Variants in RNFT2 observed in about 807,000 individuals in gnomAD.
RNFT2 encodes E3 ubiquitin-protein ligase RNFT2.
A neutral mutation model predicts 53.0 loss-of-function variants in RNFT2; 36 were observed. That is an observed-to-expected ratio of 0.68 (90% CI 0.52 to 0.90). The LOEUF (loss-of-function observed/expected upper bound fraction) is 0.90, where lower values mean the gene tolerates loss of function less well. Among genes scored for constraint, RNFT2 ranks in the 40% least tolerant of loss-of-function variants. The pLI, the probability that RNFT2 is intolerant of heterozygous loss-of-function variation, is 0.00. For missense variants in RNFT2, 514 were observed against 585.6 expected, an observed-to-expected ratio of 0.88 and a Z score of 1.26; for synonymous variants, 260 against 253.2, an observed-to-expected ratio of 1.03 and a Z score of -0.26.
At chr12:116,828,722 A>G (rs1455405014) in intron 7 of RNFT2, among the ~76,000 whole-genome samples, 1 of 152,048 alleles carries the variant, frequency 6.6e-6, no homozygotes, top group Non-Finnish European at 1.5e-5. Flanking sequence ...AGGCAGCATC[A>G]ATGGATAAAA....
At chr12:116,767,866 C>T (rs1341950707) in intron 6 of RNFT2, among the ~76,000 whole-genome samples, 1 of 152,230 alleles carries the variant, frequency 6.6e-6, no homozygotes, top group Non-Finnish European at 1.5e-5. Context: ...GCGTGAGCCA[C>T]TGCCCCTGGT....
At chr12:116,819,594 G>C (rs555195000) in intron 7 of RNFT2, among the ~76,000 whole-genome samples, 1 of 152,166 alleles carries the variant, frequency 6.6e-6, no homozygotes, top group African/African-American at 2.4e-5. Context: ...CCAGGAGGGG[G>C]ATTAATGGCT....
intron 7 of RNFT2, among the ~76,000 whole-genome samples, chr12:116,822,737 C>A (rs1876113019): frequency 6.6e-6 from 1 of 152,198 alleles, no homozygotes; most frequent in Non-Finnish European, 1.5e-5. Flanking sequence ...TGCAGTGGCT[C>A]ACACCTGTAA....
intron 4 of RNFT2, among the ~76,000 whole-genome samples, 170 bp downstream of exon 4, chr12:116,750,477 A>G (rs935929707): frequency 1.3e-5 from 2 of 152,144 alleles, no homozygotes; most frequent in Non-Finnish European, 2.9e-5. Flanking sequence ...CTGGCCGACT[A>G]GCTGTGTGAC....
At chr12:116,845,915 A>G (rs986598196) in intron 10 of RNFT2, among the ~76,000 whole-genome samples, 3 of 152,148 alleles carry the variant, frequency 2.0e-5, no homozygotes, top group Non-Finnish European at 2.9e-5. Flanking sequence ...GGAATGTTCT[A>G]TCTCTATCCC....
chr12:116,756,416 T>C (rs914756764), intron 5 of RNFT2, among the ~76,000 whole-genome samples: 2 of 152,158 alleles, frequency 1.3e-5, no homozygotes, highest in Non-Finnish European at 2.9e-5. Context: ...TACTGACTTC[T>C]GTACATTAAT....
chr12:116,823,148 C>G (rs1876137557), intron 7 of RNFT2, among the ~76,000 whole-genome samples: 2 of 152,184 alleles, frequency 1.3e-5, no homozygotes, highest in African/African-American at 4.8e-5. Flanking sequence ...ACATTTCCTT[C>G]TTTGTGGAAG....
intron 7 of RNFT2, among the ~76,000 whole-genome samples, chr12:116,818,238 G>T (rs1198182850): frequency 6.6e-6 from 1 of 151,256 alleles, no homozygotes; most frequent in African/African-American, 2.4e-5. Flanking sequence ...GGGGAGGCTC[G>T]CTTGAGCCCA....
intron 5 of RNFT2, among the ~76,000 whole-genome samples, chr12:116,757,082 A>T (rs911824400): frequency 6.6e-6 from 1 of 152,126 alleles, no homozygotes; most frequent in Non-Finnish European, 1.5e-5. Flanking sequence ...GAATTTATCC[A>T]TCTCTTCTAG....
At chr12:116,811,692 T>C (rs1875388047) in intron 7 of RNFT2, among the ~76,000 whole-genome samples, 1 of 152,206 alleles carries the variant, frequency 6.6e-6, no homozygotes, top group Non-Finnish European at 1.5e-5. Context: ...CGCGTGCGTT[T>C]GTGCATGTGT....
intron 10 of RNFT2, among the ~76,000 whole-genome samples, chr12:116,838,725 G>C (rs541859273): frequency 5.3e-5 from 8 of 152,326 alleles, no homozygotes; most frequent in African/African-American, 1.9e-4. Context: ...ATGATGTCAA[G>C]GTGAAAGTCT....
chr12:116,814,933 A>T (rs2137171360), intron 7 of RNFT2, among the ~76,000 whole-genome samples: 1 of 152,178 alleles, frequency 6.6e-6, no homozygotes, highest in African/African-American at 2.4e-5. Context: ...ATGGGGTTTC[A>T]CTATGTTAGC....
At chr12:116,741,013 C>G (rs1871581514) in intron 2 of RNFT2, 23 bp from the exon 3 acceptor site, 3 of 1,600,256 alleles carry the variant, frequency 1.9e-6, no homozygotes, top group Non-Finnish European at 2.6e-6. Context: ...GAGACTCTGG[C>G]TCACCCATGT....
intron 7 of RNFT2, among the ~76,000 whole-genome samples, chr12:116,804,263 A>G (rs1874941109): frequency 6.6e-6 from 1 of 152,260 alleles, no homozygotes. Context: ...TCCCTGGACC[A>G]GTAGCATGAG....
At chr12:116,743,245 CCGGT>C (rs1871725612) in intron 3 of RNFT2, among the ~76,000 whole-genome samples, 11 of 27,166 alleles carry the variant, frequency 4.0e-4, no homozygotes, top group East Asian at 1.5e-3. Flanking sequence ...AAAAAAAAAA[CCGGT>C]TAAAAAACAC....
chr12:116,760,020 C>T (rs996581202), intron 5 of RNFT2, among the ~76,000 whole-genome samples: 28 of 152,148 alleles, frequency 1.8e-4, no homozygotes, highest in Admixed American at 8.5e-4. Context: ...TCTCCTTGGG[C>T]GGGTCTTGCT....
Position 116,852,121 on chromosome 12 carries a change from G to A in RNFT2, c.*2673G>A, listed in dbSNP as rs1404942129. 2.0e-6 allele frequency: 2 copies of A among 1,000,752 alleles called. No homozygotes were observed. Among genetic ancestry groups the A allele is most frequent in the African/African-American group, 3.2e-5 (2 of 61,854 alleles). 62.0% of individuals were successfully genotyped at this position (1,000,752 alleles called of 1,614,324 possible). ...AGATGGCACAGGTGACCACGCAGAA[G>A]CCACCAGAATCTTGCCTGCCCTATT... On this transcript the variant is annotated 3_prime_UTR_variant, in exon 11 of 11. Coordinates refer to ENST00000257575, the MANE Select transcript of RNFT2 (RefSeq NM_001382266.1).
chr12:116,768,258 G>A (rs1460155754), intron 6 of RNFT2, among the ~76,000 whole-genome samples: 1 of 151,916 alleles, frequency 6.6e-6, no homozygotes, highest in Non-Finnish European at 1.5e-5. Flanking sequence ...CTGCCACCAT[G>A]CCCAGCTAAT....
intron 5 of RNFT2, among the ~76,000 whole-genome samples, chr12:116,766,366 C>T (rs928565221): frequency 6.6e-6 from 1 of 152,180 alleles, no homozygotes; most frequent in Admixed American, 6.5e-5. Context: ...GTTTCTTAAC[C>T]TCTCTGTGCT....
Sources: allele counts gnomAD v4.1 joint callset (sites outside exome capture counted in the v4.1 genomes callset), GRCh38; gene constraint gnomAD v4.1.1; transcripts MANE v1.5; gene names NCBI Gene and HGNC (gene_info 2026-07-23, HGNC 2026-07-21).